SPECC1: variants seen among roughly 807,000 people sequenced by gnomAD.
SPECC1 encodes the protein sperm antigen with calponin homology and coiled-coil domains 1.
In SPECC1, 62 loss-of-function variants were observed where a neutral mutation model predicts 104.1. That is an observed-to-expected ratio of 0.60 (90% CI 0.49 to 0.74). SPECC1 has a LOEUF of 0.74. Ranked by LOEUF, SPECC1 falls within the 30% of genes least tolerant of loss-of-function variation. The pLI, the probability that SPECC1 is intolerant of heterozygous loss-of-function variation, is 0.00. For missense variants in SPECC1, 1,306 were observed against 1,310.5 expected (o/e 1.00, Z 0.05); for synonymous variants, 513 against 501.6 (o/e 1.02, Z -0.30).
chr17:20,165,675 C>T (rs1000831926), intron 3 of SPECC1, among the ~76,000 whole-genome samples: 2 of 152,198 alleles, frequency 1.3e-5, no homozygotes, highest in African/African-American at 4.8e-5. Flanking sequence ...TTCCCACCAA[C>T]AGTGTATTTC....
At chr17:20,148,553 A>AAG (rs2152565224) in intron 3 of SPECC1, among the ~76,000 whole-genome samples, 1 of 151,904 alleles carries the variant, frequency 6.6e-6, no homozygotes, top group African/African-American at 2.4e-5. Flanking sequence ...GAAAAAAAAA[A>AAG]AAAAGGACAA....
At chr17:20,230,130 G>A (rs1006326076) in intron 5 of SPECC1, among the ~76,000 whole-genome samples, 6 of 152,200 alleles carry the variant, frequency 3.9e-5, no homozygotes, top group Admixed American at 1.3e-4. Context: ...TGGCAGATAC[G>A]TCTATATAAT....
At chr17:20,165,126 G>C (rs914738849) in intron 3 of SPECC1, among the ~76,000 whole-genome samples, 1 of 152,108 alleles carries the variant, frequency 6.6e-6, no homozygotes, top group Non-Finnish European at 1.5e-5. Flanking sequence ...GTGGTTTGCT[G>C]CACAGATCAA....
chr17:20,019,118 T>C (rs1363524236), intron 1 of SPECC1, among the ~76,000 whole-genome samples: 2 of 152,194 alleles, frequency 1.3e-5, no homozygotes, highest in African/African-American at 4.8e-5. Context: ...GGCTCATGTC[T>C]ATAATCCCAA....
chr17:20,310,506 A>T (rs2041901004), intron 14 of SPECC1, among the ~76,000 whole-genome samples: 1 of 152,222 alleles, frequency 6.6e-6, no homozygotes, highest in Admixed American at 6.5e-5. Context: ...TTTCTCAGCC[A>T]CCGTGTAAGG....
chr17:20,140,446 C>A (rs983691998), intron 3 of SPECC1, among the ~76,000 whole-genome samples: 1 of 152,168 alleles, frequency 6.6e-6, no homozygotes, highest in Non-Finnish European at 1.5e-5. Context: ...AGTGACTCAT[C>A]TTCATTGAGT....
intron 14 of SPECC1, 93 bp downstream of exon 14, chr17:20,306,175 A>C (rs1197373274): frequency 1.6e-6 from 2 of 1,239,052 alleles, no homozygotes; most frequent in Non-Finnish European, 2.3e-6. Context: ...GAACATTGAC[A>C]TCTGTTTGCC....
intron 3 of SPECC1, among the ~76,000 whole-genome samples, chr17:20,172,963 CCTTT>C (rs1199115278): frequency 6.6e-6 from 1 of 152,168 alleles, no homozygotes; most frequent in Non-Finnish European, 1.5e-5. Context: ...CATTTTGCCT[CCTTT>C]CTTTACCTTG....
intron 4 of SPECC1, among the ~76,000 whole-genome samples, chr17:20,226,191 C>T (rs117529049): frequency 0.013 from 2,043 of 152,210 alleles, 24 homozygotes; most frequent in Non-Finnish European, 0.021. Flanking sequence ...ATGTTTATTG[C>T]AGCATTTTTG....
In SPECC1 at chr17:20,205,196, A is replaced by G. The variant is rs768734814; in HGVS notation, c.1147A>G (p.Asn383Asp). The change falls in exon 4 of 15, where the codon AAC becomes GAC. Residue 383 changes from asparagine (N) to aspartate (D), a missense_variant. Around this residue, in one of 2 missense-constraint regions of SPECC1, gnomAD observed 1,177 missense variants for 1,139.9 expected, o/e 1.03. Coordinates refer to ENST00000395527, the MANE Select transcript of SPECC1 (RefSeq NM_001243439.2). ...AGAGAAGATACAAAAGATGGAAGAAAACCACCATAGCACTGCAGAAGAACT... is the reference window on the plus strand; with the variant it reads ...AGAGAAGATACAAAAGATGGAAGAAGACCACCATAGCACTGCAGAAGAACT... ...LTEKIQKMEE[N>D]HHSTAEELQA... 2 of 1,614,196 alleles carry G rather than the reference A, an allele frequency of 1.2e-6. No individual in the cohort carries two copies. Among genetic ancestry groups the G allele is most frequent in the South Asian group, 1.1e-5 (1 of 91,082 alleles).
At chr17:20,169,088 G>C (rs2151169746) in intron 3 of SPECC1, among the ~76,000 whole-genome samples, 1 of 152,210 alleles carries the variant, frequency 6.6e-6, no homozygotes, top group East Asian at 1.9e-4. Flanking sequence ...GCCCAGGCTG[G>C]TCTTGAACTC....
At chr17:20,101,329 T>C (rs1360080777) in intron 2 of SPECC1, among the ~76,000 whole-genome samples, 1 of 152,224 alleles carries the variant, frequency 6.6e-6, no homozygotes, top group Non-Finnish European at 1.5e-5. Context: ...CAGCATCTGT[T>C]GTTTCCTGAC....
At chr17:20,248,644 T>C (rs1020437681) in intron 9 of SPECC1, among the ~76,000 whole-genome samples, 5 of 152,362 alleles carry the variant, frequency 3.3e-5, no homozygotes, top group Admixed American at 3.3e-4. Context: ...CGTATGATTA[T>C]AGGCCATTTA....
chr17:20,010,894 G>T (rs933759981), intron 1 of SPECC1, among the ~76,000 whole-genome samples: 1 of 152,156 alleles, frequency 6.6e-6, no homozygotes, highest in African/African-American at 2.4e-5. Flanking sequence ...TGGGTGTTGG[G>T]TTTTTTGCCC....
chr17:20,079,591 C>G (rs1954680392), intron 1 of SPECC1, among the ~76,000 whole-genome samples: 1 of 152,182 alleles, frequency 6.6e-6, no homozygotes, highest in Admixed American at 6.5e-5. Flanking sequence ...TGCCTGGCCT[C>G]TCTAGTTTAA....
At chr17:20,104,740 CA>C (rs745893309) in intron 2 of SPECC1, among the ~76,000 whole-genome samples, 1,342 of 57,196 alleles carry the variant, frequency 0.023, 13 homozygotes, top group African/African-American at 0.085. Flanking sequence ...GAGACTGTCT[CA>C]AAAAAAAAAA....
chr17:20,121,333 A>G (rs941744610), intron 3 of SPECC1, among the ~76,000 whole-genome samples: 1 of 150,294 alleles, frequency 6.7e-6, no homozygotes, highest in Non-Finnish European at 1.5e-5. Context: ...TTATTCACTT[A>G]TCTGAATTCC....
chr17:20,313,601 C>T (rs2041987221), intron 14 of SPECC1, among the ~76,000 whole-genome samples: 1 of 152,190 alleles, frequency 6.6e-6, no homozygotes, highest in Non-Finnish European at 1.5e-5. Flanking sequence ...ATAGCGCGTG[C>T]AGTGTGCTGG....
At chr17:20,201,055 C>T (rs2151327634) in intron 3 of SPECC1, among the ~76,000 whole-genome samples, 1 of 152,152 alleles carries the variant, frequency 6.6e-6, no homozygotes, top group East Asian at 1.9e-4. Context: ...GAACAGACTG[C>T]AATTTGGCAG....
Sources: allele counts gnomAD v4.1 joint callset (sites outside exome capture counted in the v4.1 genomes callset), GRCh38; gene constraint gnomAD v4.1.1; regional missense constraint gnomAD v4.1.1; transcripts MANE v1.5; gene names NCBI Gene and HGNC (gene_info 2026-07-23, HGNC 2026-07-21).